Variants in IDNK observed in about 807,000 individuals in gnomAD.
The protein encoded by IDNK is gluconokinase.
Under a neutral mutation model 13.0 loss-of-function variants are expected in IDNK, and 9 were observed. The observed-to-expected ratio is 0.69, with a 90% CI of 0.42 to 1.21. IDNK has a LOEUF of 1.21. Among genes scored for constraint, IDNK ranks in the 50% most tolerant of loss-of-function variants. The pLI, the probability that IDNK is intolerant of heterozygous loss-of-function variation, is 0.00. For synonymous variants in IDNK, 92 were observed against 94.9 expected, an observed-to-expected ratio of 0.97 and a Z score of 0.18; for missense variants, 210 against 237.8, an observed-to-expected ratio of 0.88 and a Z score of 0.77.
chr9:83,627,763 GGGTGCTGCT>G (rs2131619243), intron 1 of IDNK, among the ~76,000 whole-genome samples: 1 of 150,186 alleles, frequency 6.7e-6, no homozygotes, highest in South Asian at 2.1e-4. Context: ...AACTTTACAT[GGGTGCTGCT>G]GGAGATTAAA....
intron 1 of IDNK, among the ~76,000 whole-genome samples, chr9:83,624,117 G>A (rs1013623441): frequency 6.6e-6 from 1 of 152,186 alleles, no homozygotes; most frequent in Non-Finnish European, 1.5e-5. Flanking sequence ...AGGGTTCTCA[G>A]CCACAAAGAT....
At chr9:83,632,052 T>A (rs545448024) in intron 3 of IDNK, among the ~76,000 whole-genome samples, 109 of 152,256 alleles carry the variant, frequency 7.2e-4, no homozygotes, top group African/African-American at 2.6e-3. Context: ...ACTAAAAAAT[T>A]TTTTCACAAA....
chr9:83,623,177 G>T lies in IDNK; in HGVS notation c.6G>T (p.Ala2=), dbSNP rs994516961. Residue 2 remains alanine, a synonymous_variant, in exon 1 of 5, where the codon GCG becomes GCT. Transcript: ENST00000376419. Reference sequence around the variant, plus strand: ...GAAGGAGCCGAGCTTGGGTTATGGCGGCGCCGGGCGCGCTGCTGGTGATGG... The same window carrying T: ...GAAGGAGCCGAGCTTGGGTTATGGCTGCGCCGGGCGCGCTGCTGGTGATGG... The part of the protein sequence containing the change: M[A]APGALLVMGV... 17 of 1,411,942 alleles carry T rather than the reference G, an allele frequency of 1.2e-5. No individual in the cohort carries two copies. In the African/African-American group the frequency reaches 2.6e-4, roughly 22 times the overall value. The allele number at this position is 1,411,942 out of a possible 1,614,324, so 87.5% of individuals were successfully genotyped here. A position where few individuals can be genotyped will look rare whatever the true frequency, so the allele number is the denominator to read the frequency against.
chr9:83,625,175 T>A (rs922778216), intron 1 of IDNK, among the ~76,000 whole-genome samples: 3 of 152,166 alleles, frequency 2.0e-5, no homozygotes, highest in Admixed American at 1.3e-4. Context: ...GTGGACTGGA[T>A]GTTGGGTGTA....
chr9:83,635,889 C>T (rs2780969), intron 3 of IDNK, among the ~76,000 whole-genome samples: 123,031 of 152,174 alleles, frequency 0.81, 50,144 homozygotes, highest in African/African-American at 0.9. Flanking sequence ...GCTTATTCTA[C>T]GCGGGCCAGT....
chr9:83,644,096 T>G lies in IDNK; in HGVS notation c.*316T>G. On this transcript the variant is annotated 3_prime_UTR_variant, in exon 5 of 5. Transcript: ENST00000376419. ...AGAACATTCTTGCTCATGCCTGTAT[T>G]TGCACAAATAAATGAAACTTCGCTG... is the stretch of plus-strand genomic sequence containing the variant. 3.6e-6 allele frequency: 1 copy of G among 276,486 alleles called. No homozygotes were observed. The highest frequency in any genetic ancestry group is 6.9e-6 in the Non-Finnish European group (1 of 143,926). The allele number at this position is 276,486 out of a possible 1,614,324, so 17.1% of individuals were successfully genotyped here. A position where few individuals can be genotyped will look rare whatever the true frequency, so the allele number is the denominator to read the frequency against.
intron 1 of IDNK, among the ~76,000 whole-genome samples, chr9:83,627,374 A>G (rs548764135): frequency 1.7e-4 from 26 of 152,318 alleles, no homozygotes; most frequent in African/African-American, 5.8e-4. Context: ...TTACCGTTAC[A>G]TCCTGGGAAC....
chr9:83,623,470 C>T, intron 1 of IDNK: 1 of 484,644 alleles, frequency 2.1e-6, no homozygotes, highest in Non-Finnish European at 3.7e-6. Context: ...GCTGCGGCGA[C>T]CGCAGGCTCA....
chr9:83,624,879 A>G (rs1190860187), intron 1 of IDNK, among the ~76,000 whole-genome samples: 1 of 151,936 alleles, frequency 6.6e-6, no homozygotes, highest in African/African-American at 2.4e-5. Flanking sequence ...ATGCACAGCT[A>G]ATTTTTTGTA....
At chr9:83,636,859 CCATA>C (rs1831178197) in intron 3 of IDNK, among the ~76,000 whole-genome samples, 1 of 152,100 alleles carries the variant, frequency 6.6e-6, no homozygotes, top group African/African-American at 2.4e-5. Context: ...AAGTAAATAA[CCATA>C]TTATTTTCAA....
At chr9:83,638,610 C>T (rs73474395) in intron 3 of IDNK, among the ~76,000 whole-genome samples, 1,854 of 152,186 alleles carry the variant, frequency 0.012, 35 homozygotes, top group African/African-American at 0.039. Flanking sequence ...ACTGCAAAGC[C>T]GCTCAAAGAC....
At chr9:83,640,716 A>C (rs1015749815) in intron 3 of IDNK, among the ~76,000 whole-genome samples, 1 of 152,186 alleles carries the variant, frequency 6.6e-6, no homozygotes, top group African/African-American at 2.4e-5. Flanking sequence ...ATGGTGGTGC[A>C]TGCCTGTAAT....
chr9:83,626,597 A>C, intron 1 of IDNK: 1 of 687,506 alleles, frequency 1.5e-6, no homozygotes, highest in Non-Finnish European at 2.3e-6. Context: ...TTGTATTTTT[A>C]GTTGAGACGG....
chr9:83,643,597 G>A lies in IDNK; in HGVS notation c.381G>A (p.Ser127=), dbSNP rs760543711. The change falls in exon 5 of 5, where the codon TCG becomes TCA. Residue 127 remains serine (S), a synonymous_variant. Transcript: ENST00000376419. ...TCCTGGTGGTCCATCTGAGCGGGTC[G>A]TTTGAGGTCATCTCTGGACGCTTAC... ...MQLLVVHLSG[S]FEVISGRLLK... 20 of 1,613,846 alleles carry A rather than the reference G, an allele frequency of 1.2e-5. No individual in the cohort carries two copies. In the African/African-American group the frequency reaches 1.6e-4, roughly 13 times the overall value.
chr9:83,641,638 G>T, intron 4 of IDNK, 47 bp downstream of exon 4: 1 of 1,586,864 alleles, frequency 6.3e-7, no homozygotes, highest in Non-Finnish European at 8.6e-7. Context: ...AGCAGGTAAA[G>T]AAAACCCTCA....
intron 3 of IDNK, among the ~76,000 whole-genome samples, chr9:83,631,270 G>A (rs1296483374): frequency 1.3e-5 from 2 of 151,898 alleles, no homozygotes; most frequent in African/African-American, 4.8e-5. Context: ...TGTGTTCGGA[G>A]GGCTCAGAGC....
At chr9:83,624,706 GTTTT>G (rs60612510) in intron 1 of IDNK, among the ~76,000 whole-genome samples, 1 of 148,428 alleles carries the variant, frequency 6.7e-6, no homozygotes, top group African/African-American at 2.5e-5. Flanking sequence ...AGCTTCTTTT[GTTTT>G]TTTTTTGTTT....
chr9:83,632,474 G>GT (rs1564147029), intron 3 of IDNK, among the ~76,000 whole-genome samples: 1 of 144,106 alleles, frequency 6.9e-6, no homozygotes, highest in East Asian at 2.0e-4. Flanking sequence ...GTGTCCAGTC[G>GT]TTTGGCTTCC....
At chr9:83,632,990 A>C (rs1434714920) in intron 3 of IDNK, among the ~76,000 whole-genome samples, 2 of 152,212 alleles carry the variant, frequency 1.3e-5, no homozygotes, top group Non-Finnish European at 2.9e-5. Flanking sequence ...CAGGCCAGTC[A>C]AGGTCTTGAA....
Sources: gnomAD v4.1 joint callset for allele counts (sites outside exome capture counted in the v4.1 genomes callset) on GRCh38, gnomAD v4.1.1 for gene constraint, MANE v1.5 for transcripts, NCBI Gene and HGNC (gene_info 2026-07-23, HGNC 2026-07-21) for gene names.